PRKG1: variants seen among roughly 807,000 people sequenced by gnomAD.
PRKG1 encodes the protein cGMP-dependent protein kinase 1.
Under a neutral mutation model 88.1 loss-of-function variants are expected in PRKG1, and 35 were observed. The observed-to-expected ratio is 0.40, with a 90% confidence interval of 0.30 to 0.53. PRKG1 has a LOEUF of 0.53. Ranked by LOEUF, PRKG1 falls within the 20% of genes least tolerant of loss-of-function variation. The probability of loss-of-function intolerance (pLI) is 0.59; values close to 1 mark genes in which losing one functional copy is unlikely to be tolerated. For synonymous variants in PRKG1, 303 were observed against 292.5 expected (o/e 1.04, Z -0.37); for missense variants, 540 against 839.8 (o/e 0.64, Z 4.41).
At chr10:51,420,763 C>T (rs571055881) in intron 2 of PRKG1, among the ~76,000 whole-genome samples, 1 of 152,158 alleles carries the variant, frequency 6.6e-6, no homozygotes, top group Non-Finnish European at 1.5e-5. Flanking sequence ...GTTTAATTGG[C>T]TCACAGTTCT....
At chr10:52,270,369 G>A (rs933376324) in intron 10 of PRKG1, among the ~76,000 whole-genome samples, 1 of 151,928 alleles carries the variant, frequency 6.6e-6, no homozygotes, top group African/African-American at 2.4e-5. Context: ...CCCATTACTG[G>A]GTATATACCT....
intron 4 of PRKG1, among the ~76,000 whole-genome samples, chr10:51,839,148 T>C (rs1840203762): frequency 1.4e-5 from 2 of 142,484 alleles, no homozygotes; most frequent in African/African-American, 4.9e-5. Context: ...TACTTTATTA[T>C]TATTTTTTTA....
intron 4 of PRKG1, among the ~76,000 whole-genome samples, chr10:51,890,080 A>G (rs995274710): frequency 6.6e-6 from 1 of 152,006 alleles, no homozygotes; most frequent in African/African-American, 2.4e-5. Flanking sequence ...CCATTTGTCA[A>G]TTTTGGCTTT....
intron 1 of PRKG1, among the ~76,000 whole-genome samples, chr10:51,092,123 C>T (rs181080662): frequency 6.6e-6 from 1 of 152,052 alleles, no homozygotes; most frequent in Non-Finnish European, 1.5e-5. Context: ...AAGCACTGAT[C>T]CCTGAGGTGA....
intron 2 of PRKG1, among the ~76,000 whole-genome samples, chr10:51,241,421 G>A (rs533666056): frequency 1.3e-5 from 2 of 152,220 alleles, no homozygotes; most frequent in East Asian, 3.9e-4. Context: ...TATTTGAAGA[G>A]GAAAGATAAT....
chr10:51,183,180 T>G (rs1397611997), intron 2 of PRKG1, among the ~76,000 whole-genome samples: 1 of 152,186 alleles, frequency 6.6e-6, no homozygotes, highest in East Asian at 1.9e-4. Flanking sequence ...AAAATAATAA[T>G]TATCCTGCTT....
At chr10:51,911,356 A>T (rs893550635) in intron 5 of PRKG1, among the ~76,000 whole-genome samples, 3 of 150,766 alleles carry the variant, frequency 2.0e-5, no homozygotes, top group Non-Finnish European at 4.4e-5. Flanking sequence ...CAAAGACTTC[A>T]TGAAATTCTT....
rs147355872 is a variant in PRKG1, at chr10:51,903,504, C to T, written c.699-4003C>T. On this transcript the variant is annotated intron_variant, in intron 4 of 17. Coordinates refer to ENST00000373980, the MANE Select transcript of PRKG1 (RefSeq NM_006258.4). ...TTTCATTCAAAAATAACTGTATATCCGTTAATCTATGCACACACACAGAAG... is the reference window on the plus strand; with the variant it reads ...TTTCATTCAAAAATAACTGTATATCTGTTAATCTATGCACACACACAGAAG... Among the ~76,000 whole-genome samples, 152 of 152,022 alleles carry T rather than the reference C, an allele frequency of 1.0e-3. 1 individual carries two copies. Among genetic ancestry groups the T allele is most frequent in the East Asian group, 5.6e-3 (29 of 5,182 alleles).
intron 4 of PRKG1, among the ~76,000 whole-genome samples, chr10:51,887,823 C>G (rs1259786726): frequency 6.6e-6 from 1 of 152,048 alleles, no homozygotes; most frequent in Non-Finnish European, 1.5e-5. Flanking sequence ...AGGAGACTCT[C>G]CTTTATATTG....
At chr10:52,113,206 A>T (rs566216495) in intron 7 of PRKG1, among the ~76,000 whole-genome samples, 1 of 152,214 alleles carries the variant, frequency 6.6e-6, no homozygotes, top group Non-Finnish European at 1.5e-5. Context: ...CATAGTTGCT[A>T]ATCTATTGTT....
intron 1 of PRKG1, among the ~76,000 whole-genome samples, chr10:51,107,624 GT>G (rs1844870155): frequency 1.3e-5 from 2 of 151,842 alleles, no homozygotes; most frequent in African/African-American, 4.8e-5. Context: ...GTCACCAGGA[GT>G]TTGAGAACAG....
At chr10:51,306,382 A>G (rs1465913367) in intron 2 of PRKG1, among the ~76,000 whole-genome samples, 1 of 152,140 alleles carries the variant, frequency 6.6e-6, no homozygotes, top group Non-Finnish European at 1.5e-5. Flanking sequence ...TGATATGCAT[A>G]TTTCCCTCTT....
intron 2 of PRKG1, among the ~76,000 whole-genome samples, chr10:51,228,194 TC>T (rs1838743331): frequency 6.6e-6 from 1 of 152,196 alleles, no homozygotes; most frequent in Non-Finnish European, 1.5e-5. Context: ...TGTTTAAAGG[TC>T]TGGGATAGAT....
At chr10:51,501,297 A>G (rs955652886) in intron 3 of PRKG1, among the ~76,000 whole-genome samples, 1 of 152,184 alleles carries the variant, frequency 6.6e-6, no homozygotes, top group Non-Finnish European at 1.5e-5. Context: ...TAAGGGAACA[A>G]CCAGATAAAT....
At chr10:52,031,504 G>C (rs999746695) in intron 5 of PRKG1, among the ~76,000 whole-genome samples, 1 of 152,156 alleles carries the variant, frequency 6.6e-6, no homozygotes, top group Non-Finnish European at 1.5e-5. Context: ...TTTATAAATT[G>C]TAGAGTATTT....
At chr10:51,506,107 G>T (rs918690349) in intron 3 of PRKG1, among the ~76,000 whole-genome samples, 2 of 152,102 alleles carry the variant, frequency 1.3e-5, no homozygotes, top group Non-Finnish European at 2.9e-5. Context: ...GCCATATGTA[G>T]AAAGCTGAAA....
chr10:51,539,520 T>C (rs2132108865), intron 3 of PRKG1, among the ~76,000 whole-genome samples: 1 of 152,278 alleles, frequency 6.6e-6, no homozygotes, highest in Admixed American at 6.5e-5. Flanking sequence ...CTGGGAAGCA[T>C]TTGGAGCTAT....
At chr10:51,537,752 C>G (rs1246755383) in intron 3 of PRKG1, among the ~76,000 whole-genome samples, 1 of 135,688 alleles carries the variant, frequency 7.4e-6, no homozygotes. Context: ...AAAAAAATTA[C>G]TCGGGGAGCT....
chr10:51,601,769 T>G (rs1589121576), intron 3 of PRKG1, among the ~76,000 whole-genome samples: 1 of 123,352 alleles, frequency 8.1e-6, no homozygotes, highest in Admixed American at 8.3e-5. Flanking sequence ...TTTTTTTTTT[T>G]GTAAGCTGAG....
Sources: allele counts gnomAD v4.1 joint callset (sites outside exome capture counted in the v4.1 genomes callset), GRCh38; gene constraint gnomAD v4.1.1; transcripts MANE v1.5; gene names NCBI Gene and HGNC (gene_info 2026-07-23, HGNC 2026-07-21).